The following TNFSF4 variants were observed in gnomAD, a reference collection of about 807,000 sequenced individuals.
The protein encoded by TNFSF4 is TNF superfamily member 4.
A neutral mutation model predicts 7.3 loss-of-function variants in TNFSF4; 4 were observed. The observed-to-expected ratio is 0.55, with a 90% CI of 0.27 to 1.25. The LOEUF (loss-of-function observed/expected upper bound fraction) is 1.25. Ranked by LOEUF, TNFSF4 falls within the 50% of genes most tolerant of loss-of-function variation. The pLI is 0.12. For synonymous variants in TNFSF4, 76 were observed against 83.7 expected, an observed-to-expected ratio of 0.91 and a Z score of 0.50; for missense variants, 181 against 208.8, an observed-to-expected ratio of 0.87 and a Z score of 0.82.
the TNFSF4 span, among the ~76,000 whole-genome samples, chr1:173,376,463 T>A: frequency 6.6e-6 from 1 of 152,252 alleles, no homozygotes; most frequent in East Asian, 1.9e-4. Flanking sequence ...AGGGGATGGA[T>A]ACCATTAGTG....
chr1:173,302,193 T>C, the TNFSF4 span, among the ~76,000 whole-genome samples: 1 of 151,864 alleles, frequency 6.6e-6, no homozygotes. Context: ...GCTGACATAA[T>C]GGCAAAGCAC....
At chr1:173,231,677 C>A in the TNFSF4 span, among the ~76,000 whole-genome samples, 1 of 152,124 alleles carries the variant, frequency 6.6e-6, no homozygotes, top group African/African-American at 2.4e-5. Flanking sequence ...CAAATTGTCC[C>A]TCTTTGCCGA....
the TNFSF4 span, among the ~76,000 whole-genome samples, chr1:173,420,035 G>C: frequency 6.6e-6 from 1 of 152,070 alleles, no homozygotes; most frequent in Non-Finnish European, 1.5e-5. Context: ...TGTTTATTGA[G>C]TGAGCTGCAT....
chr1:173,242,429 A>G, the TNFSF4 span, among the ~76,000 whole-genome samples: 1 of 152,202 alleles, frequency 6.6e-6, no homozygotes, highest in South Asian at 2.1e-4. Context: ...TAGAGAACAG[A>G]ATTCTTTGGC....
At chr1:173,420,985 T>C in the TNFSF4 span, among the ~76,000 whole-genome samples, 1 of 152,214 alleles carries the variant, frequency 6.6e-6, no homozygotes, top group Non-Finnish European at 1.5e-5. Flanking sequence ...CCAGTTACAG[T>C]TATGTTACAG....
At chr1:173,202,762 C>T (rs752361138) in intron 1 of TNFSF4, among the ~76,000 whole-genome samples, 2 of 152,146 alleles carry the variant, frequency 1.3e-5, no homozygotes, top group Non-Finnish European at 2.9e-5. Context: ...GCTTCATCTC[C>T]ACCACTTTCC....
At chr1:173,238,815 T>C in the TNFSF4 span, among the ~76,000 whole-genome samples, 1 of 151,894 alleles carries the variant, frequency 6.6e-6, no homozygotes, top group Non-Finnish European at 1.5e-5. Flanking sequence ...GAGTGTAGAT[T>C]AGTTCAGTCA....
the TNFSF4 span, among the ~76,000 whole-genome samples, chr1:173,311,642 T>G: frequency 6.6e-6 from 1 of 151,978 alleles, no homozygotes; most frequent in Non-Finnish European, 1.5e-5. Context: ...AACCACACAC[T>G]GGGGTCGTAG....
At chr1:173,386,980 C>T in the TNFSF4 span, among the ~76,000 whole-genome samples, 7 of 152,300 alleles carry the variant, frequency 4.6e-5, no homozygotes, top group East Asian at 7.7e-4. Context: ...TGATTGATTT[C>T]GCAGGTTTAC....
the TNFSF4 span, among the ~76,000 whole-genome samples, chr1:173,406,677 A>C: frequency 6.6e-6 from 1 of 152,186 alleles, no homozygotes; most frequent in Non-Finnish European, 1.5e-5. Flanking sequence ...TGGACCCTAA[A>C]ATTACCCTGG....
the TNFSF4 span, among the ~76,000 whole-genome samples, chr1:173,318,478 A>G: frequency 1.3e-5 from 2 of 152,214 alleles, no homozygotes; most frequent in African/African-American, 4.8e-5. Context: ...CAAGGTAGGC[A>G]TTCTTAAGGT....
chr1:173,426,595 T>C, the TNFSF4 span, among the ~76,000 whole-genome samples: 1 of 152,048 alleles, frequency 6.6e-6, no homozygotes, highest in Non-Finnish European at 1.5e-5. Context: ...GTTCATTTTT[T>C]AAATTTTTAT....
chr1:173,175,672 C>T, the TNFSF4 span, among the ~76,000 whole-genome samples: 1 of 152,204 alleles, frequency 6.6e-6, no homozygotes, highest in African/African-American at 2.4e-5. Flanking sequence ...AAGAGCATGA[C>T]TTACTGTAAT....
chr1:173,308,394 A>G, the TNFSF4 span, among the ~76,000 whole-genome samples: 1 of 150,884 alleles, frequency 6.6e-6, no homozygotes, highest in Non-Finnish European at 1.5e-5. Flanking sequence ...GTCTTCTAGA[A>G]TATTTATTCT....
chr1:173,325,512 A>C, the TNFSF4 span, among the ~76,000 whole-genome samples: 1 of 152,068 alleles, frequency 6.6e-6, no homozygotes, highest in East Asian at 1.9e-4. Context: ...AAATAACTAA[A>C]ATCAGAGCAG....
At chr1:173,333,171 CT>C in the TNFSF4 span, among the ~76,000 whole-genome samples, 1 of 152,136 alleles carries the variant, frequency 6.6e-6, no homozygotes, top group Non-Finnish European at 1.5e-5. Context: ...TTCAATATGA[CT>C]TGACACAGGG....
chr1:173,376,833 G>T, the TNFSF4 span, among the ~76,000 whole-genome samples: 1 of 152,084 alleles, frequency 6.6e-6, no homozygotes, highest in Non-Finnish European at 1.5e-5. Context: ...CAATCTTTGG[G>T]TCCACACTAC....
the TNFSF4 span, among the ~76,000 whole-genome samples, chr1:173,425,478 C>G: frequency 7.9e-5 from 12 of 152,206 alleles, no homozygotes; most frequent in South Asian, 4.2e-4. Context: ...CAGGATTTAG[C>G]AAATAATTGC....
At chr1:173,247,913 G>C in the TNFSF4 span, among the ~76,000 whole-genome samples, 1 of 152,176 alleles carries the variant, frequency 6.6e-6, no homozygotes, top group African/African-American at 2.4e-5. Context: ...ATAATAAAGT[G>C]AACAAGTGTT....
Sources: gnomAD v4.1 joint callset for allele counts (sites outside exome capture counted in the v4.1 genomes callset) on GRCh38, gnomAD v4.1.1 for gene constraint, MANE v1.5 for transcripts, NCBI Gene and HGNC (gene_info 2026-07-23, HGNC 2026-07-21) for gene names.